The following CCDC63 variants were observed in gnomAD, a reference collection of about 807,000 sequenced individuals.
The protein encoded by CCDC63 is coiled-coil domain containing 63.
In CCDC63, 54 loss-of-function variants were observed where a neutral mutation model predicts 63.6. That is an observed-to-expected ratio of 0.85 (90% CI 0.68 to 1.07). The LOEUF (loss-of-function observed/expected upper bound fraction) is 1.07, where lower values mean the gene tolerates loss of function less well. Among genes scored for constraint, CCDC63 ranks in the 50% least tolerant of loss-of-function variants. The pLI is 0.00. For missense variants in CCDC63, 637 were observed against 689.6 expected, an observed-to-expected ratio of 0.92 and a Z score of 0.86; for synonymous variants, 253 against 266.1, an observed-to-expected ratio of 0.95 and a Z score of 0.48.
intron 4 of CCDC63, among the ~76,000 whole-genome samples, chr12:110,864,713 A>G (rs575747869): frequency 6.6e-6 from 1 of 152,148 alleles, no homozygotes; most frequent in East Asian, 1.9e-4. Flanking sequence ...ATCTCAAAAA[A>G]AAAAAAAAGA....
At chr12:110,888,650 G>A (rs1592777919) in intron 8 of CCDC63, among the ~76,000 whole-genome samples, 1 of 152,136 alleles carries the variant, frequency 6.6e-6, no homozygotes, top group Non-Finnish European at 1.5e-5. Flanking sequence ...ACAAAGATAT[G>A]CTCACTGTAG....
rs189336133 is a variant in CCDC63 at position 110,868,743 on chromosome 12, G to C, written c.370-5099G>C. Among the ~76,000 whole-genome samples, 553 of 105,414 alleles carry C rather than the reference G, an allele frequency of 5.2e-3. 9 individuals are homozygous for C. Among genetic ancestry groups the C allele is most frequent in the African/African-American group, 0.022 (531 of 24,386 alleles). 69.2% of individuals were successfully genotyped at this position (105,414 alleles called of 152,430 possible). On this transcript the variant is annotated intron_variant, in intron 4 of 11. Transcript: ENST00000308208. ...GGAGAGGGAGAGGGAGGGAGAGGGA[G>C]AGGGGGAGGGGAAGGGGGAGGGGGA...
At chr12:110,903,671 G>A (rs1008816452) in intron 10 of CCDC63, among the ~76,000 whole-genome samples, 3 of 152,216 alleles carry the variant, frequency 2.0e-5, no homozygotes, top group African/African-American at 4.8e-5. Flanking sequence ...GACTGCATGG[G>A]GCTATGGAGC....
chr12:110,857,256 G>C (rs1357586787), intron 3 of CCDC63, among the ~76,000 whole-genome samples: 4 of 151,774 alleles, frequency 2.6e-5, no homozygotes, highest in African/African-American at 7.3e-5. Context: ...CTCCAGAGTA[G>C]CTAGGATTAC....
At chr12:110,880,129 C>T (rs1334271910) in intron 6 of CCDC63, 42 bp downstream of exon 6, 2 of 1,569,254 alleles carry the variant, frequency 1.3e-6, no homozygotes, top group African/African-American at 1.4e-5. Context: ...GTCTCTTAGC[C>T]CCTTGCTGAG....
intron 5 of CCDC63, among the ~76,000 whole-genome samples, chr12:110,878,459 C>T (rs943333753): frequency 6.6e-6 from 1 of 152,082 alleles, no homozygotes; most frequent in Non-Finnish European, 1.5e-5. Flanking sequence ...GGATTACAGA[C>T]ACCTGCCATC....
chr12:110,904,318 G>A (rs1477243533), intron 10 of CCDC63, among the ~76,000 whole-genome samples: 2 of 149,436 alleles, frequency 1.3e-5, no homozygotes, highest in African/African-American at 4.9e-5. Flanking sequence ...TTCAGCCTGG[G>A]CAACAGAGCC....
chr12:110,864,900 C>T (rs1429850810), intron 4 of CCDC63, among the ~76,000 whole-genome samples: 1 of 152,122 alleles, frequency 6.6e-6, no homozygotes, highest in Non-Finnish European at 1.5e-5. Context: ...CTCAATTTTG[C>T]TGTCAGCTAT....
At chr12:110,873,308 G>C (rs1215927714) in intron 4 of CCDC63, among the ~76,000 whole-genome samples, 1 of 152,148 alleles carries the variant, frequency 6.6e-6, no homozygotes, top group East Asian at 1.9e-4. Context: ...CATCCAGGGG[G>C]CCACTGGGAA....
intron 1 of CCDC63, 107 bp from the exon 2 acceptor site, chr12:110,852,752 G>T (rs556542489): frequency 6.9e-6 from 5 of 720,466 alleles, no homozygotes; most frequent in African/African-American, 1.7e-5. Flanking sequence ...ATGTGCCAAG[G>T]TGTGGGTGGA....
chr12:110,859,000 A>G (rs79471155), intron 4 of CCDC63, among the ~76,000 whole-genome samples: 4,588 of 152,206 alleles, frequency 0.03, 195 homozygotes, highest in African/African-American at 0.095. Flanking sequence ...CGTGCTCCCC[A>G]GTGCCACCTG....
At chr12:110,873,102 G>A (rs1336811572) in intron 4 of CCDC63, among the ~76,000 whole-genome samples, 3 of 152,092 alleles carry the variant, frequency 2.0e-5, no homozygotes, top group Non-Finnish European at 2.9e-5. Flanking sequence ...CAGGCATGGC[G>A]GTGCATGCCT....
intron 4 of CCDC63, among the ~76,000 whole-genome samples, chr12:110,868,559 G>C (rs890361109): frequency 2.6e-5 from 4 of 151,352 alleles, no homozygotes; most frequent in Non-Finnish European, 5.9e-5. Context: ...GCGAAACCCC[G>C]TCTCCACCAA....
chr12:110,879,835 C>T, intron 5 of CCDC63, 71 bp from the exon 6 acceptor site: 1 of 1,485,768 alleles, frequency 6.7e-7, no homozygotes, highest in Non-Finnish European at 9.3e-7. Flanking sequence ...GACAGCCTTC[C>T]AGGTGCCTTC....
chr12:110,867,856 G>A (rs1483162915), intron 4 of CCDC63, among the ~76,000 whole-genome samples: 9 of 151,918 alleles, frequency 5.9e-5, no homozygotes, highest in African/African-American at 1.4e-4. Flanking sequence ...CCTCCCGGAC[G>A]GGGTGGCTGC....
intron 8 of CCDC63, among the ~76,000 whole-genome samples, chr12:110,888,724 A>T (rs1486243403): frequency 3.3e-5 from 5 of 152,122 alleles, no homozygotes; most frequent in Admixed American, 2.6e-4. Flanking sequence ...ATTGCCTGAG[A>T]CAATCACTGG....
intron 7 of CCDC63, among the ~76,000 whole-genome samples, 156 bp downstream of exon 7, chr12:110,881,452 G>A (rs2071208632): frequency 6.6e-6 from 1 of 152,174 alleles, no homozygotes; most frequent in African/African-American, 2.4e-5. Context: ...GTGCATGGTG[G>A]CTCACGCCTG....
chr12:110,884,257 G>A lies in CCDC63; in HGVS notation c.1074+7G>A. ...GAGGACCCAACGAATCCAGGTCAGG[G>A]CGGCTCTGCTTTCCCAGGCCCTGGG... On this transcript the variant is annotated splice_region_variant and intron_variant, in intron 8 of 11. Transcript: ENST00000308208. 2 of 1,612,822 alleles carry A rather than the reference G, an allele frequency of 1.2e-6. No homozygotes were observed. Among genetic ancestry groups the A allele is most frequent in the Non-Finnish European group, 1.7e-6 (2 of 1,179,002 alleles).
At chr12:110,867,466 A>C (rs2070979944) in intron 4 of CCDC63, among the ~76,000 whole-genome samples, 1 of 92,314 alleles carries the variant, frequency 1.1e-5, no homozygotes, top group Non-Finnish European at 2.1e-5. Context: ...ACTTCCCAGT[A>C]GGGGCGGCCG....
Sources: gnomAD v4.1 joint callset for allele counts (sites outside exome capture counted in the v4.1 genomes callset) on GRCh38, gnomAD v4.1.1 for gene constraint, MANE v1.5 for transcripts, NCBI Gene and HGNC (gene_info 2026-07-23, HGNC 2026-07-21) for gene names.